The following ERBB4 variants were observed in gnomAD, a reference collection of about 807,000 sequenced individuals.
ERBB4 encodes the protein erb-b2 receptor tyrosine kinase 4, also known as receptor tyrosine-protein kinase erbB-4.
A neutral mutation model predicts 158.0 loss-of-function variants in ERBB4; 42 were observed. The ratio of observed to expected loss-of-function variants is 0.27; its 90% CI spans 0.21 to 0.34. The LOEUF (loss-of-function observed/expected upper bound fraction) is 0.34. ERBB4 is among the 10% of genes least tolerant of loss of function. The pLI, the probability that ERBB4 is intolerant of heterozygous loss-of-function variation, is 1.00. For missense variants in ERBB4, 1,333 were observed against 1,624.1 expected (o/e 0.82, Z 3.08); for synonymous variants, 583 against 558.7 (o/e 1.04, Z -0.61).
rs548313790 is a variant in ERBB4 at position 211,827,380 on chromosome 2, T to C, written c.422-39221A>G. On this transcript the variant is annotated intron_variant, in intron 3 of 27. Transcript: ENST00000342788. ...TTTTTGTTTGTTTTGTTTTGTTGTA[T>C]ATCTTTTCAAATTGCCATTCATCAT... Among the ~76,000 whole-genome samples the C allele has an allele frequency of 1.4e-4, 21 of 152,208 alleles. 1 individual carries two copies. Among genetic ancestry groups the C allele is most frequent in the African/African-American group, 5.1e-4 (21 of 41,544 alleles).
intron 1 of ERBB4, among the ~76,000 whole-genome samples, chr2:212,220,692 C>A (rs2083264763): frequency 6.6e-6 from 1 of 151,340 alleles, no homozygotes; most frequent in African/African-American, 2.4e-5. Flanking sequence ...GTCCTTCCCT[C>A]CCTGCTATAT....
Position 212,348,493 on chromosome 2 carries a change from A to G in ERBB4, c.82+189956T>C, listed in dbSNP as rs528552106. On this transcript the variant is annotated intron_variant, in intron 1 of 27. Coordinates refer to ENST00000342788, the MANE Select transcript of ERBB4 (RefSeq NM_005235.3). ...AATGAGAAACAGTTAATCGTGTATC[A>G]AAAAAGAAAATAAACTATTGTTTTA... is the stretch of plus-strand genomic sequence containing the variant. Among the ~76,000 whole-genome samples, 10 of 152,286 alleles carry G rather than the reference A, an allele frequency of 6.6e-5. No homozygotes were observed. The South Asian group carries it at 2.1e-3, about 32-fold the overall frequency.
chr2:211,733,690 A>T (rs962163836), intron 5 of ERBB4, among the ~76,000 whole-genome samples: 13 of 144,908 alleles, frequency 9.0e-5, no homozygotes, highest in African/African-American at 7.9e-5. Context: ...AAAAAAAAAA[A>T]TTTACTTTCT....
At chr2:211,481,266 A>T (rs2065076047) in intron 20 of ERBB4, among the ~76,000 whole-genome samples, 1 of 152,214 alleles carries the variant, frequency 6.6e-6, no homozygotes, top group African/African-American at 2.4e-5. Flanking sequence ...AAACTAAACA[A>T]AATAGAAAAA....
intron 19 of ERBB4, among the ~76,000 whole-genome samples, chr2:211,605,335 T>C (rs2068941817): frequency 6.6e-6 from 1 of 152,164 alleles, no homozygotes; most frequent in Admixed American, 6.5e-5. Context: ...GTTAAACCTT[T>C]GGAAAGAAGA....
chr2:212,215,822 G>A (rs78060423), intron 1 of ERBB4, among the ~76,000 whole-genome samples: 7 of 151,190 alleles, frequency 4.6e-5, no homozygotes, highest in Non-Finnish European at 1.0e-4. Context: ...TTGGCTATGC[G>A]CCTACTTTTC....
chr2:212,263,759 G>A (rs1364816894), intron 1 of ERBB4, among the ~76,000 whole-genome samples: 1 of 151,558 alleles, frequency 6.6e-6, no homozygotes, highest in East Asian at 1.9e-4. Context: ...CCATCCTAGG[G>A]AGAAAAAACA....
intron 2 of ERBB4, among the ~76,000 whole-genome samples, chr2:212,030,736 G>A (rs1420068524): frequency 6.6e-6 from 1 of 152,062 alleles, no homozygotes; most frequent in Non-Finnish European, 1.5e-5. Context: ...AATCCACCAA[G>A]TTCAATAATT....
chr2:212,266,098 T>C (rs539807816), intron 1 of ERBB4, among the ~76,000 whole-genome samples: 3 of 152,008 alleles, frequency 2.0e-5, no homozygotes, highest in African/African-American at 7.2e-5. Context: ...TCCGTCTCAA[T>C]TGCATGCCCC....
At chr2:212,226,710 T>A (rs551906531) in intron 1 of ERBB4, among the ~76,000 whole-genome samples, 1 of 152,262 alleles carries the variant, frequency 6.6e-6, no homozygotes, top group East Asian at 1.9e-4. Context: ...TAAAGTTGCT[T>A]TTTTTAATCT....
intron 3 of ERBB4, among the ~76,000 whole-genome samples, chr2:211,832,305 A>G (rs2077239781): frequency 6.6e-6 from 1 of 152,162 alleles, no homozygotes; most frequent in Non-Finnish European, 1.5e-5. Context: ...CCTTACTGAG[A>G]ATAATTTTTT....
At chr2:211,757,202 T>A (rs1201882653) in intron 4 of ERBB4, among the ~76,000 whole-genome samples, 3 of 152,316 alleles carry the variant, frequency 2.0e-5, no homozygotes, top group African/African-American at 4.8e-5. Flanking sequence ...TGACTTTACT[T>A]TTTATTCCAG....
At chr2:212,078,064 T>C (rs1326821034) in intron 2 of ERBB4, among the ~76,000 whole-genome samples, 1 of 152,072 alleles carries the variant, frequency 6.6e-6, no homozygotes, top group East Asian at 1.9e-4. Context: ...CTCTTGGTAA[T>C]TAGACAAAAT....
chr2:211,417,107 T>TTAAA (rs1476548956), intron 25 of ERBB4, among the ~76,000 whole-genome samples: 5 of 152,174 alleles, frequency 3.3e-5, no homozygotes, highest in Non-Finnish European at 7.3e-5. Flanking sequence ...TTTGCAGAAG[T>TTAAA]TAAATAGCTT....
At chr2:211,923,627 A>T (rs1244926794) in intron 3 of ERBB4, among the ~76,000 whole-genome samples, 1 of 152,110 alleles carries the variant, frequency 6.6e-6, no homozygotes, top group Non-Finnish European at 1.5e-5. Context: ...GTTCAACTGG[A>T]GGATAAGAAG....
At chr2:212,307,253 T>C (rs1046663138) in intron 1 of ERBB4, among the ~76,000 whole-genome samples, 1 of 151,018 alleles carries the variant, frequency 6.6e-6, no homozygotes, top group Non-Finnish European at 1.5e-5. Context: ...ATTCTCATAA[T>C]AGAGGAAGAA....
intron 2 of ERBB4, among the ~76,000 whole-genome samples, chr2:211,994,437 G>A (rs1342232677): frequency 2.0e-5 from 3 of 152,106 alleles, no homozygotes; most frequent in Non-Finnish European, 2.9e-5. Flanking sequence ...CTGGCTCAAC[G>A]TAACTATTAT....
At chr2:211,546,718 C>G (rs2066950063) in intron 20 of ERBB4, among the ~76,000 whole-genome samples, 1 of 152,070 alleles carries the variant, frequency 6.6e-6, no homozygotes, top group Middle Eastern at 3.2e-3. Context: ...TTCTTCATAG[C>G]CACCATTATA....
At chr2:211,398,450 C>A (rs1451470491) in intron 25 of ERBB4, among the ~76,000 whole-genome samples, 4 of 152,164 alleles carry the variant, frequency 2.6e-5, no homozygotes, top group Non-Finnish European at 4.4e-5. Context: ...GGTACCATTT[C>A]TTGACTAGAG....
Sources: allele counts gnomAD v4.1 joint callset (sites outside exome capture counted in the v4.1 genomes callset), GRCh38; gene constraint gnomAD v4.1.1; transcripts MANE v1.5; gene names NCBI Gene and HGNC (gene_info 2026-07-23, HGNC 2026-07-21).